Variants in NOX4 observed in about 807,000 individuals in gnomAD.
The protein encoded by NOX4 is kidney oxidase-1.
A neutral mutation model predicts 87.6 loss-of-function variants in NOX4; 69 were observed. The observed-to-expected ratio is 0.79, with a 90% CI of 0.65 to 0.96. NOX4 has a LOEUF of 0.96. Among genes scored for constraint, NOX4 ranks in the 40% least tolerant of loss-of-function variants. The probability of loss-of-function intolerance (pLI) is 0.00; values close to 1 mark genes in which losing one functional copy is unlikely to be tolerated. For missense variants in NOX4, 680 were observed against 681.5 expected (o/e 1.00, Z 0.02); for synonymous variants, 275 against 238.2 (o/e 1.15, Z -1.42).
intron 2 of NOX4, among the ~76,000 whole-genome samples, chr11:89,478,891 C>T (rs1946275944): frequency 6.6e-6 from 1 of 151,780 alleles, no homozygotes; most frequent in Admixed American, 6.6e-5. Flanking sequence ...ATCTGCAACC[C>T]CAGAGAATAA....
chr11:89,377,882 C>G (rs1255053109), intron 11 of NOX4, among the ~76,000 whole-genome samples: 2 of 152,062 alleles, frequency 1.3e-5, no homozygotes, highest in Non-Finnish European at 2.9e-5. Flanking sequence ...GACATTTATA[C>G]CTGAAATTCA....
At position 89,389,060 on chromosome 11, in the gene NOX4, T is replaced by C. The variant is rs1167730359; in HGVS notation, c.1074+10957A>G. ...CAGGTCTCCATCCCAAGCTGTGGTA[T>C]TCCAAAATCCATGATCTGATACTAC... On this transcript the variant is annotated intron_variant, in intron 11 of 17. Coordinates refer to ENST00000263317, the MANE Select transcript of NOX4 (RefSeq NM_016931.5). Among the ~76,000 whole-genome samples, 4 of 152,292 alleles carry C rather than the reference T, an allele frequency of 2.6e-5. No homozygotes were observed. The East Asian group carries it at 7.7e-4, about 29-fold the overall frequency.
intron 11 of NOX4, among the ~76,000 whole-genome samples, chr11:89,382,832 T>C (rs1940396945): frequency 6.6e-6 from 1 of 152,086 alleles, no homozygotes; most frequent in Non-Finnish European, 1.5e-5. Flanking sequence ...GCTAAAGGCA[T>C]AGTCAAGGTT....
intron 13 of NOX4, among the ~76,000 whole-genome samples, chr11:89,351,145 T>C (rs550642321): frequency 6.6e-6 from 1 of 152,354 alleles, no homozygotes; most frequent in Non-Finnish European, 1.5e-5. Flanking sequence ...AACAGCCTTA[T>C]TGCTGATATG....
chr11:89,358,768 A>T (rs2134993646), intron 12 of NOX4, among the ~76,000 whole-genome samples: 1 of 152,024 alleles, frequency 6.6e-6, no homozygotes, highest in Non-Finnish European at 1.5e-5. Flanking sequence ...AGTAAAAAAA[A>T]AAAAAGATAT....
intron 2 of NOX4, among the ~76,000 whole-genome samples, chr11:89,470,568 T>G (rs76651334): frequency 6.6e-6 from 1 of 152,256 alleles, no homozygotes; most frequent in Non-Finnish European, 1.5e-5. Context: ...TCCATCCTCT[T>G]GCTCAGGCTC....
At chr11:89,418,857 G>GA (rs1419717606) in intron 8 of NOX4, among the ~76,000 whole-genome samples, 1 of 151,784 alleles carries the variant, frequency 6.6e-6, no homozygotes, top group Non-Finnish European at 1.5e-5. Flanking sequence ...AAGATTCTAT[G>GA]AAAAAAATGA....
chr11:89,523,288 C>G, the NOX4 span, among the ~76,000 whole-genome samples: 2 of 152,184 alleles, frequency 1.3e-5, no homozygotes, highest in Admixed American at 6.6e-5. Context: ...TCCCAAAATG[C>G]TGGGATTACA....
the NOX4 span, among the ~76,000 whole-genome samples, chr11:89,541,479 A>G: frequency 6.6e-6 from 1 of 152,188 alleles, no homozygotes; most frequent in Non-Finnish European, 1.5e-5. Context: ...GCAATACACT[A>G]CCAGGTATTA....
At chr11:89,353,541 C>A (rs934402951) in intron 13 of NOX4, among the ~76,000 whole-genome samples, 1 of 151,990 alleles carries the variant, frequency 6.6e-6, no homozygotes, top group African/African-American at 2.4e-5. Context: ...TAAAAGACTA[C>A]AGAATACTGT....
chr11:89,353,498 G>A (rs1441473799), intron 13 of NOX4, among the ~76,000 whole-genome samples: 1 of 152,086 alleles, frequency 6.6e-6, no homozygotes, highest in African/African-American at 2.4e-5. Flanking sequence ...GATGTACATA[G>A]TATTTCTAGA....
At chr11:89,429,425 GT>G (rs553275261) in intron 7 of NOX4, among the ~76,000 whole-genome samples, 4 of 152,078 alleles carry the variant, frequency 2.6e-5, no homozygotes, top group Non-Finnish European at 4.4e-5. Context: ...GCAGAAGCTG[GT>G]TTTTTGAAAA....
intron 11 of NOX4, among the ~76,000 whole-genome samples, chr11:89,390,432 G>A (rs1268905942): frequency 6.6e-6 from 1 of 152,118 alleles, no homozygotes; most frequent in Non-Finnish European, 1.5e-5. Context: ...TTTATTTAAA[G>A]CCAACTATTG....
At chr11:89,439,531 A>T (rs1944366284) in intron 6 of NOX4, among the ~76,000 whole-genome samples, 3 of 152,170 alleles carry the variant, frequency 2.0e-5, no homozygotes, top group Admixed American at 2.0e-4. Flanking sequence ...TTGATTCAAA[A>T]GAAAAATAAT....
intron 8 of NOX4, among the ~76,000 whole-genome samples, chr11:89,411,934 C>T (rs71469262): frequency 0.01 from 1,542 of 152,184 alleles, 23 homozygotes; most frequent in Middle Eastern, 0.051. Flanking sequence ...CACACTTCAC[C>T]TATGAAGATA....
chr11:89,567,900 T>C, the NOX4 span, among the ~76,000 whole-genome samples: 154 of 152,284 alleles, frequency 1.0e-3, no homozygotes, highest in African/African-American at 3.6e-3. Flanking sequence ...GTACACAGAC[T>C]CCATCACACT....
intron 6 of NOX4, among the ~76,000 whole-genome samples, 165 bp downstream of exon 6, chr11:89,440,523 T>C (rs1420955675): frequency 6.6e-6 from 1 of 151,768 alleles, no homozygotes; most frequent in African/African-American, 2.4e-5. Context: ...TGGGGTTTCA[T>C]CATGTTGATC....
At chr11:89,486,704 GTGTGTATATATGTGTA>G (rs1946641866) in intron 2 of NOX4, among the ~76,000 whole-genome samples, 1 of 109,374 alleles carries the variant, frequency 9.1e-6, no homozygotes, top group African/African-American at 3.0e-5. Context: ...ATACATATAT[GTGTGTATATATGTGTA>G]TATATATGTA....
the NOX4 span, among the ~76,000 whole-genome samples, chr11:89,572,828 A>T: frequency 9.4e-3 from 1,426 of 152,266 alleles, 24 homozygotes; most frequent in African/African-American, 0.033. Context: ...GCAGATAACA[A>T]CTGTCTTTAT....
Sources: gnomAD v4.1 joint callset for allele counts (sites outside exome capture counted in the v4.1 genomes callset) on GRCh38, gnomAD v4.1.1 for gene constraint, MANE v1.5 for transcripts, NCBI Gene and HGNC (gene_info 2026-07-23, HGNC 2026-07-21) for gene names.